Variants in CHAF1A observed in about 807,000 individuals in gnomAD.
CHAF1A encodes the protein chromatin assembly factor 1 subunit A.
In CHAF1A, 5 loss-of-function variants were observed where a neutral mutation model predicts 93.2. The observed-to-expected ratio is 0.05, with a 90% CI of 0.03 to 0.11. The LOEUF (loss-of-function observed/expected upper bound fraction) is 0.11, where lower values mean the gene tolerates loss of function less well. Among genes scored for constraint, CHAF1A ranks in the 10% least tolerant of loss-of-function variants. The pLI, the probability that CHAF1A is intolerant of heterozygous loss-of-function variation, is 1.00. For synonymous variants in CHAF1A, 504 were observed against 510.3 expected, an observed-to-expected ratio of 0.99 and a Z score of 0.17; for missense variants, 1,102 against 1,259.9, an observed-to-expected ratio of 0.87 and a Z score of 1.90.
chr19:4,449,214 G>C (rs1244763944), downstream of CHAF1A: 1 of 152,744 alleles, frequency 6.5e-6, no homozygotes, highest in East Asian at 1.9e-4. Context: ...CCATGGCCTG[G>C]GAAGCAGGGC....
intron 3 of CHAF1A, among the ~76,000 whole-genome samples, chr19:4,411,419 G>A (rs572024793): frequency 1.7e-3 from 260 of 152,052 alleles, no homozygotes; most frequent in African/African-American, 6.1e-3. Flanking sequence ...TAGTAGAGAC[G>A]GGGTTTTGCC....
At position 4,423,247 on chromosome 19, in the gene CHAF1A, T is replaced by C. The variant is rs930080288; in HGVS notation, c.1248-88T>C. The C allele has an allele frequency of 3.2e-6, 5 of 1,564,794 alleles. No homozygotes were observed. The African/African-American group carries it at 4.1e-5, about 13-fold the overall frequency. On this transcript the variant is annotated intron_variant, in intron 5 of 14. Transcript: ENST00000301280. ...TATATTCATTTAATGTAAAATGAAATACTTGCCATATACTAACAGTTGAGT... is the reference window on the plus strand; with the variant it reads ...TATATTCATTTAATGTAAAATGAAACACTTGCCATATACTAACAGTTGAGT...
At chr19:4,417,916 T>G (rs896010547) in intron 3 of CHAF1A, 104 bp from the exon 4 acceptor site, 3 of 718,756 alleles carry the variant, frequency 4.2e-6, no homozygotes, top group Non-Finnish European at 7.2e-6. Flanking sequence ...TATTATGACA[T>G]TTTGGTTCTG....
intron 3 of CHAF1A, among the ~76,000 whole-genome samples, chr19:4,410,899 CTG>C (rs1973785230): frequency 1.3e-5 from 2 of 152,190 alleles, no homozygotes; most frequent in African/African-American, 4.8e-5. Context: ...TGGTCTGTCT[CTG>C]TTATTGATTT....
chr19:4,421,116 C>T (rs1973983724), intron 4 of CHAF1A, among the ~76,000 whole-genome samples: 2 of 152,140 alleles, frequency 1.3e-5, no homozygotes, highest in South Asian at 4.1e-4. Context: ...CAGAGTCTTG[C>T]TCTGTCACCC....
At position 4,424,299 on chromosome 19, in the gene CHAF1A, A is replaced by T. The variant is rs243365; in HGVS notation, c.1377+425A>T. 8.5e-5 allele frequency among the ~76,000 whole-genome samples: 13 copies of T among 152,078 alleles called. No individual in the cohort carries two copies. The East Asian group carries it at 2.5e-3, about 30-fold the overall frequency. On this transcript the variant is annotated intron_variant, in intron 7 of 14. Transcript: ENST00000301280. ...GAGCCACCATCTGTGCATGGAAACC[A>T]CAGCCCTCCTTCCCCTTTACCCAGA...
At chr19:4,445,671 C>T (rs1352543750), downstream of CHAF1A, 9 of 1,587,098 alleles carry the variant, frequency 5.7e-6, no homozygotes, top group Middle Eastern at 2.0e-4. Context: ...TCGGCCCTTG[C>T]CGCGGCAGGG....
intron 1 of CHAF1A, among the ~76,000 whole-genome samples, chr19:4,405,481 G>A (rs374285425): frequency 6.6e-6 from 1 of 152,024 alleles, no homozygotes; most frequent in East Asian, 1.9e-4. Context: ...GGTGGCATGC[G>A]CCTGTAGTCC....
At position 4,409,163 on chromosome 19, in the gene CHAF1A, G is replaced by T. The variant is rs138530415; in HGVS notation, c.364G>T (p.Asp122Tyr). 1.9e-6 allele frequency: 3 copies of T among 1,614,052 alleles called. No homozygotes were observed. The highest frequency in any genetic ancestry group is 2.7e-5 in the African/African-American group (2 of 74,908). ...CACAGTCATCATTGATTTGACAGAG[G>T]ACTCGAATGAGCAGCCAGACAGTCT... The part of the protein sequence containing the change: ...QSTVIIDLTE[D>Y]SNEQPDSLVD... The change falls in exon 3 of 15, where the codon GAC (aspartate) becomes TAC (tyrosine). Residue 122 changes from aspartate (D) to tyrosine (Y), a missense_variant. Transcript: ENST00000301280.
At chr19:4,402,893 A>C in intron 1 of CHAF1A, 79 bp downstream of exon 1, 1 of 907,886 alleles carries the variant, frequency 1.1e-6, no homozygotes, top group Non-Finnish European at 1.4e-6. Flanking sequence ...TGGGAGGCGG[A>C]CGGGCCTCCG....
At chr19:4,413,649 C>T (rs1973847469) in intron 3 of CHAF1A, among the ~76,000 whole-genome samples, 1 of 152,190 alleles carries the variant, frequency 6.6e-6, no homozygotes. Context: ...ACTTTGTGGG[C>T]TGGCTTGCCT....
intron 6 of CHAF1A, among the ~76,000 whole-genome samples, 163 bp from the exon 7 acceptor site, chr19:4,423,643 G>T (rs1974029697): frequency 6.6e-6 from 1 of 152,236 alleles, no homozygotes; most frequent in Non-Finnish European, 1.5e-5. Context: ...TTTTGAGATT[G>T]GCTGGCTCAG....
At chr19:4,417,457 CTTTTTT>C (rs397768061) in intron 3 of CHAF1A, among the ~76,000 whole-genome samples, 6 of 103,114 alleles carry the variant, frequency 5.8e-5, no homozygotes, top group Non-Finnish European at 1.8e-5. Context: ...CCAGCTGTCG[CTTTTTT>C]TTTTTTTTTT....
At chr19:4,425,283 C>T (rs557669871) in intron 7 of CHAF1A, among the ~76,000 whole-genome samples, 2 of 152,108 alleles carry the variant, frequency 1.3e-5, no homozygotes, top group Non-Finnish European at 2.9e-5. Flanking sequence ...CGGAGTATTG[C>T]TCTGTCACCC....
chr19:4,413,410 T>C (rs1973843288), intron 3 of CHAF1A, among the ~76,000 whole-genome samples: 1 of 152,156 alleles, frequency 6.6e-6, no homozygotes, highest in African/African-American at 2.4e-5. Context: ...TGCCGTGACG[T>C]CCAAGCCACC....
Position 4,409,647 on chromosome 19 carries a change from G to C in CHAF1A, c.848G>C (p.Ser283Thr). The C allele has an allele frequency of 2.5e-6, 4 of 1,614,160 alleles. No homozygotes were observed. Among genetic ancestry groups the C allele is most frequent in the Non-Finnish European group, 3.4e-6 (4 of 1,180,022 alleles). Reference sequence around the variant, plus strand: ...TTCCCCGAAGAAGACTCTGTACTCAGCCATTCGTCCCTGAGCTCTCCCTCT... The same window carrying C: ...TTCCCCGAAGAAGACTCTGTACTCACCCATTCGTCCCTGAGCTCTCCCTCT... ...ESFPEEDSVL[S>T]HSSLSSPSST... is the part of the protein sequence containing the mutation. Residue 283 changes from serine (S) to threonine (T), a missense_variant, in exon 3 of 15, where the codon AGC (serine) becomes ACC (threonine). Around this residue, in one of 6 missense-constraint regions of CHAF1A, gnomAD observed 379 missense variants for 365.7 expected, o/e 1.04. Coordinates refer to ENST00000301280, the MANE Select transcript of CHAF1A (RefSeq NM_005483.3).
intron 7 of CHAF1A, among the ~76,000 whole-genome samples, chr19:4,427,079 A>G (rs998821631): frequency 1.4e-5 from 2 of 141,828 alleles, no homozygotes; most frequent in African/African-American, 5.2e-5. Context: ...CAATGAAGCG[A>G]GACTCCATCT....
At chr19:4,407,274 T>C (rs1473864040) in intron 2 of CHAF1A, among the ~76,000 whole-genome samples, 1 of 148,214 alleles carries the variant, frequency 6.7e-6, no homozygotes, top group East Asian at 2.1e-4. Context: ...TTATTTGGTC[T>C]ATTACATGAT....
chr19:4,422,571 G>C lies in CHAF1A; in HGVS notation c.1023G>C (p.Gln341His), dbSNP rs750534269. The change falls in exon 5 of 15, where the codon CAG (glutamine) becomes CAC (histidine). Residue 341 changes from glutamine to histidine, a missense_variant. Transcript: ENST00000301280. This position sits in a 1 kb window ranked among gnomAD's most constrained non-coding sequence, Gnocchi z 4.6. Reference sequence around the variant, plus strand: ...CTTGCCACACTGTCTTGTAGGATCAGGAGCGTCTGGGCAAGCAGCTCAAGT... The same window carrying C: ...CTTGCCACACTGTCTTGTAGGATCACGAGCGTCTGGGCAAGCAGCTCAAGT... ...EKNKLRLQRD[Q>H]ERLGKQLKLR... 1 of 1,564,194 alleles carries C rather than the reference G, an allele frequency of 6.4e-7. No individual in the cohort carries two copies. Among genetic ancestry groups the C allele is most frequent in the Admixed American group, 1.9e-5 (1 of 51,774 alleles).
Sources: gnomAD v4.1 joint callset for allele counts (sites outside exome capture counted in the v4.1 genomes callset) on GRCh38, gnomAD v4.1.1 for gene constraint, gnomAD v4.1.1 regional missense constraint, Gnocchi (gnomAD v3.1) non-coding constraint, MANE v1.5 for transcripts, NCBI Gene and HGNC (gene_info 2026-07-23, HGNC 2026-07-21) for gene names.